The following ADAT2 variants were observed in gnomAD, a reference collection of about 807,000 sequenced individuals.
ADAT2 encodes the protein adenosine deaminase tRNA specific 2.
In ADAT2, 26 loss-of-function variants were observed where a neutral mutation model predicts 25.9. The observed-to-expected ratio is 1.00, with a 90% confidence interval of 0.74 to 1.39. The LOEUF (loss-of-function observed/expected upper bound fraction) is 1.39. Among genes scored for constraint, ADAT2 ranks in the 40% most tolerant of loss-of-function variants. The pLI is 0.00. For missense variants in ADAT2, 220 were observed against 244.8 expected, an observed-to-expected ratio of 0.90 and a Z score of 0.68; for synonymous variants, 76 against 86.8, an observed-to-expected ratio of 0.88 and a Z score of 0.69.
In ADAT2 at chr6:143,442,207, A is replaced by G. The variant is rs535390709; in HGVS notation, c.97-3513T>C. Reference sequence around the variant, plus strand: ...AAACAAACTATGGTACACCTGTACCATGGGACACAATGCAGCAATAACAAG... The same window carrying G: ...AAACAAACTATGGTACACCTGTACCGTGGGACACAATGCAGCAATAACAAG... On this transcript the variant is annotated intron_variant, in intron 1 of 5. Transcript: ENST00000237283. The surrounding 1 kb of genome is among the most constrained non-coding windows in gnomAD (Gnocchi z 4.6). 6.6e-6 allele frequency among the ~76,000 whole-genome samples: 1 copy of G among 152,332 alleles called. No individual in the cohort carries two copies. The highest frequency in any genetic ancestry group is 2.4e-5 in the African/African-American group (1 of 41,586).
intron 2 of ADAT2, among the ~76,000 whole-genome samples, chr6:143,438,009 C>T (rs1779342091): frequency 6.6e-6 from 1 of 152,140 alleles, no homozygotes; most frequent in Non-Finnish European, 1.5e-5. Flanking sequence ...GTACATGCTA[C>T]ATGTAGCTAC....
rs1041803528 is a variant in ADAT2, at chr6:143,438,798, G to A, written c.97-104C>T. On this transcript the variant is annotated intron_variant, in intron 1 of 5. Coordinates refer to ENST00000237283, the MANE Select transcript of ADAT2 (RefSeq NM_182503.3). ...AACAAGATACACATGTACAAAGACT[G>A]AAACAAAGAAGTGCAGCCTTCCCTT... is the stretch of plus-strand genomic sequence containing the variant. 18 of 926,782 alleles carry A rather than the reference G, an allele frequency of 1.9e-5. No individual in the cohort carries two copies. The Admixed American group carries it at 3.8e-4, about 20-fold the overall frequency. The allele number at this position is 926,782 out of a possible 1,614,324, so 57.4% of individuals were successfully genotyped here. A position where few individuals can be genotyped will look rare whatever the true frequency, so the allele number is the denominator to read the frequency against.
chr6:143,445,797 T>G (rs1057247526), intron 1 of ADAT2, among the ~76,000 whole-genome samples: 9 of 152,146 alleles, frequency 5.9e-5, no homozygotes, highest in African/African-American at 1.9e-4. Flanking sequence ...GTCTAACACA[T>G]AGCAAAAACT....
In ADAT2 at chr6:143,433,961, C is replaced by A. The variant is rs374625232; in HGVS notation, c.222G>T (p.Met74Ile). The stretch of plus-strand genomic sequence containing the variant: ...AATCGAGGACCTGATCGATGGCCAC[C>A]ATTTCTGCATGTCGAGTAGCCTGAA... ...QTKNATRHAE[M>I]VAIDQVLDWC... The change falls in exon 3 of 6, where the codon ATG (methionine) becomes ATT (isoleucine). Residue 74 changes from methionine to isoleucine, a missense_variant. Physicochemically the swap from Met to Ile is conservative, Grantham distance 10 (BLOSUM62 1). Transcript: ENST00000237283. 3 of 1,614,118 alleles carry A rather than the reference C, an allele frequency of 1.9e-6. No individual in the cohort carries two copies. Among genetic ancestry groups the A allele is most frequent in the Non-Finnish European group, 2.5e-6 (3 of 1,180,018 alleles).
intron 1 of ADAT2, among the ~76,000 whole-genome samples, 189 bp downstream of exon 1, chr6:143,450,374 C>T (rs1016478674): frequency 6.6e-6 from 1 of 152,218 alleles, no homozygotes; most frequent in Non-Finnish European, 1.5e-5. Context: ...CCTCCCCTTC[C>T]TTCGCCCAGA....
Position 143,436,572 on chromosome 6 carries a change from C to G in ADAT2, c.201+2018G>C. 2.5e-6 allele frequency: 1 copy of G among 404,838 alleles called. No individual in the cohort carries two copies. The highest frequency in any genetic ancestry group is 5.1e-6 in the Non-Finnish European group (1 of 197,138). The allele number at this position is 404,838 out of a possible 1,614,324, so 25.1% of individuals were successfully genotyped here. Reference sequence around the variant, plus strand: ...AGGCCTTCCTGCACTGGTACATGGGCGAGGGCAAGAATGAGATGGAATTCA... The same window carrying G: ...AGGCCTTCCTGCACTGGTACATGGGGGAGGGCAAGAATGAGATGGAATTCA... On this transcript the variant is annotated intron_variant, in intron 2 of 5. Coordinates refer to ENST00000237283, the MANE Select transcript of ADAT2 (RefSeq NM_182503.3). The surrounding 1 kb of genome is among the most constrained non-coding windows in gnomAD (Gnocchi z 4.1).
intron 1 of ADAT2, among the ~76,000 whole-genome samples, chr6:143,438,966 T>A (rs1583983322): frequency 6.6e-6 from 1 of 152,174 alleles, no homozygotes; most frequent in African/African-American, 2.4e-5. Context: ...CAAAGGAGAC[T>A]GTGACTGACC....
At position 143,425,753 on chromosome 6, in the gene ADAT2, G is replaced by GTGTGTGTGTGTGTGTGTT. The variant is rs1453571164; in HGVS notation, c.*2709_*2710insAACACACACACACACACA. ...TGTGTTTGTGTGTGTGTGTGTGTGTGTGTGTGTGTGTGTGTGTGTGTGTGT... is the reference window on the plus strand; with the variant it reads ...TGTGTTTGTGTGTGTGTGTGTGTGTGTGTGTGTGTGTGTGTGTTTGTGTGTGTGTGTGTGTGTGTGTGT... On this transcript the variant is annotated 3_prime_UTR_variant, in exon 6 of 6. Transcript: ENST00000237283. 6.6e-6 allele frequency: 1 copy of GTGTGTGTGTGTGTGTGTT among 151,124 alleles called. No homozygotes were observed. The highest frequency in any genetic ancestry group is 2.4e-5 in the African/African-American group (1 of 40,902). 9.4% of individuals were successfully genotyped at this position (151,124 alleles called of 1,614,324 possible).
intron 4 of ADAT2, among the ~76,000 whole-genome samples, chr6:143,429,782 G>C (rs897897933): frequency 1.4e-4 from 21 of 152,180 alleles, no homozygotes; most frequent in Non-Finnish European, 1.2e-4. Context: ...CAGAGGACAG[G>C]AGGACCAGCT....
Position 143,423,294 on chromosome 6 carries a change from T to C in ADAT2, c.*5169A>G, listed in dbSNP as rs1351428475. ...CTGTCATCCAATGTAACTTTATTTA[T>C]GGACACTGAAATTTGATTGCCATAT... On this transcript the variant is annotated 3_prime_UTR_variant, in exon 6 of 6. Transcript: ENST00000237283. 1 of 152,246 alleles carries C rather than the reference T, an allele frequency of 6.6e-6. No individual in the cohort carries two copies. Among genetic ancestry groups the C allele is most frequent in the African/African-American group, 2.4e-5 (1 of 41,464 alleles). 9.4% of individuals were successfully genotyped at this position (152,246 alleles called of 1,614,324 possible).
chr6:143,428,329 A>T lies in ADAT2; in HGVS notation c.*134T>A. ...GCTAATTTGTTCCCTTAACAGAGCA[A>T]ATGATGAGAGACACCATTTTCCTGC... is the stretch of plus-strand genomic sequence containing the variant. On this transcript the variant is annotated 3_prime_UTR_variant, in exon 6 of 6. Transcript: ENST00000237283. This position sits in a 1 kb window ranked among gnomAD's most constrained non-coding sequence, Gnocchi z 5.0. 1.0e-6 allele frequency: 1 copy of T among 984,082 alleles called. No homozygotes were observed. Among genetic ancestry groups the T allele is most frequent in the Non-Finnish European group, 1.5e-6 (1 of 667,322 alleles). 61.0% of individuals were successfully genotyped at this position (984,082 alleles called of 1,614,324 possible). A position where few individuals can be genotyped will look rare whatever the true frequency, so the allele number is the denominator to read the frequency against.
rs562892627 is a variant in ADAT2, at chr6:143,424,987, A to C, written c.*3476T>G. On this transcript the variant is annotated 3_prime_UTR_variant, in exon 6 of 6. Coordinates refer to ENST00000237283, the MANE Select transcript of ADAT2 (RefSeq NM_182503.3). This position sits in a 1 kb window ranked among gnomAD's most constrained non-coding sequence, Gnocchi z 4.8. ...TGACCAGATGACCAAAATTGACATC[A>C]CCTTGGTGTGACGGCCTTTGTGTGC... The C allele has an allele frequency of 9.8e-5, 15 of 152,326 alleles. No homozygotes were observed. The highest frequency in any genetic ancestry group is 3.6e-4 in the African/African-American group (15 of 41,586). 9.4% of individuals were successfully genotyped at this position (152,326 alleles called of 1,614,324 possible). A position where few individuals can be genotyped will look rare whatever the true frequency, so the allele number is the denominator to read the frequency against.
rs1378277886 is a variant in ADAT2, at chr6:143,436,252, T to C, written c.202-2271A>G. 2.3e-5 allele frequency: 5 copies of C among 218,936 alleles called. No homozygotes were observed. The highest frequency in any genetic ancestry group is 3.9e-5 in the Non-Finnish European group (4 of 103,212). The allele number at this position is 218,936 out of a possible 1,614,324, so 13.6% of individuals were successfully genotyped here. ...AGTGGCTGAACTCCCCCAGCAGATG[T>C]CTGATGCTAAGAACATGATGGCTGC... On this transcript the variant is annotated intron_variant, in intron 2 of 5. Coordinates refer to ENST00000237283, the MANE Select transcript of ADAT2 (RefSeq NM_182503.3). The surrounding 1 kb of genome is among the most constrained non-coding windows in gnomAD (Gnocchi z 4.1).
chr6:143,438,409 T>C (rs1484776869), intron 2 of ADAT2, among the ~76,000 whole-genome samples, 181 bp downstream of exon 2: 1 of 152,160 alleles, frequency 6.6e-6, no homozygotes, highest in African/African-American at 2.4e-5. Flanking sequence ...AAAATCAACA[T>C]GTATCACTTT....
In ADAT2 at chr6:143,444,300, C is replaced by A. The variant is rs939059773; in HGVS notation, c.97-5606G>T. Among the ~76,000 whole-genome samples the A allele has an allele frequency of 1.1e-4, 16 of 152,058 alleles. No individual in the cohort carries two copies. Among genetic ancestry groups the A allele is most frequent in the East Asian group, 3.9e-4 (2 of 5,190 alleles). ...ACGTCATTGTTGAGGAATGGCCGAG[C>A]CTGCCATGCTGAGGATGAGTGGGTA... On this transcript the variant is annotated intron_variant, in intron 1 of 5. Coordinates refer to ENST00000237283, the MANE Select transcript of ADAT2 (RefSeq NM_182503.3). This position sits in a 1 kb window ranked among gnomAD's most constrained non-coding sequence, Gnocchi z 4.3.
chr6:143,441,407 T>A (rs1779452030), intron 1 of ADAT2: 1 of 152,124 alleles, frequency 6.6e-6, no homozygotes, highest in Admixed American at 6.5e-5. Flanking sequence ...GGCTGGGTAG[T>A]TTATAAAGAG....
In ADAT2 at chr6:143,442,118, C is replaced by T. The variant is rs931294994; in HGVS notation, c.97-3424G>A. 6.6e-6 allele frequency: 1 copy of T among 152,214 alleles called. No homozygotes were observed. The highest frequency in any genetic ancestry group is 1.5e-5 in the Non-Finnish European group (1 of 68,036). The allele number at this position is 152,214 out of a possible 1,614,324, so 9.4% of individuals were successfully genotyped here. On this transcript the variant is annotated intron_variant, in intron 1 of 5. Coordinates refer to ENST00000237283, the MANE Select transcript of ADAT2 (RefSeq NM_182503.3). The surrounding 1 kb of genome is among the most constrained non-coding windows in gnomAD (Gnocchi z 4.6). The stretch of plus-strand genomic sequence containing the variant: ...TGTCTGTGTGCACAAATATTCATAA[C>T]AGCTTTATTTGTAATAGCCAAAAAC...
rs572616313 is a variant in ADAT2, at chr6:143,427,151, A to T, written c.*1312T>A. 1 of 151,884 alleles carries T rather than the reference A, an allele frequency of 6.6e-6. No individual in the cohort carries two copies. Among genetic ancestry groups the T allele is most frequent in the Admixed American group, 6.6e-5 (1 of 15,190 alleles). The allele number at this position is 151,884 out of a possible 1,614,324, so 9.4% of individuals were successfully genotyped here. The stretch of plus-strand genomic sequence containing the variant: ...CACACACACAAAACCAAGCAATTAT[A>T]AGTCCTCTGAAGCATGTAACTGTGA... On this transcript the variant is annotated 3_prime_UTR_variant, in exon 6 of 6. Transcript: ENST00000237283.
chr6:143,440,800 G>T lies in ADAT2; in HGVS notation c.97-2106C>A, dbSNP rs1296328663. On this transcript the variant is annotated intron_variant, in intron 1 of 5. Coordinates refer to ENST00000237283, the MANE Select transcript of ADAT2 (RefSeq NM_182503.3). This position sits in a 1 kb window ranked among gnomAD's most constrained non-coding sequence, Gnocchi z 4.5. ...GTAGCTATGGCAATTATTATACTAA[G>T]AATTTTATTTAAGGTAAGTGTAGAA... Among the ~76,000 whole-genome samples, 4 of 152,188 alleles carry T rather than the reference G, an allele frequency of 2.6e-5. No homozygotes were observed. The highest frequency in any genetic ancestry group is 5.9e-5 in the Non-Finnish European group (4 of 68,032).
Sources: gnomAD v4.1 joint callset for allele counts (sites outside exome capture counted in the v4.1 genomes callset) on GRCh38, gnomAD v4.1.1 for gene constraint, Gnocchi (gnomAD v3.1) non-coding constraint, MANE v1.5 for transcripts, NCBI Gene and HGNC (gene_info 2026-07-23, HGNC 2026-07-21) for gene names.